The following PTPRM variants were observed in gnomAD, a reference collection of about 807,000 sequenced individuals.
PTPRM encodes the protein protein tyrosine phosphatase receptor type M.
PTPRM carries 47 observed loss-of-function variants against 186.7 expected under a neutral mutation model. That is an observed-to-expected ratio of 0.25 (90% confidence interval 0.20 to 0.32). The LOEUF is 0.32. Among genes scored for constraint, PTPRM ranks in the 10% least tolerant of loss-of-function variants. The pLI is 1.00. For missense variants in PTPRM, 1,494 were observed against 1,865.0 expected (o/e 0.80, Z 3.66); for synonymous variants, 668 against 674.9 (o/e 0.99, Z 0.16).
At chr18:8,175,242 A>G (rs1038060912) in intron 14 of PTPRM, among the ~76,000 whole-genome samples, 2 of 152,214 alleles carry the variant, frequency 1.3e-5, no homozygotes, top group African/African-American at 4.8e-5. Flanking sequence ...TTCTTATGCC[A>G]TAGTCAAGAC....
chr18:8,080,921 T>C (rs1417091795), intron 9 of PTPRM, among the ~76,000 whole-genome samples: 1 of 152,198 alleles, frequency 6.6e-6, no homozygotes, highest in Non-Finnish European at 1.5e-5. Flanking sequence ...CTATAGCAGC[T>C]CTGCCTATCT....
chr18:7,911,420 C>A (rs982805876), intron 4 of PTPRM, among the ~76,000 whole-genome samples: 11 of 152,162 alleles, frequency 7.2e-5, no homozygotes, highest in Non-Finnish European at 1.5e-4. Flanking sequence ...TTAAAAAAAT[C>A]ATAGCCATCC....
At chr18:7,834,915 C>A (rs914405201) in intron 2 of PTPRM, among the ~76,000 whole-genome samples, 1 of 149,772 alleles carries the variant, frequency 6.7e-6, no homozygotes, top group African/African-American at 2.4e-5. Context: ...CTCATAATAG[C>A]CACTAATGGT....
intron 10 of PTPRM, among the ~76,000 whole-genome samples, chr18:8,088,236 CTAAT>C (rs1479892325): frequency 1.3e-5 from 2 of 152,086 alleles, no homozygotes; most frequent in Non-Finnish European, 2.9e-5. Context: ...CAGATTGTCA[CTAAT>C]TAATTCCAAC....
chr18:8,296,499 T>C (rs780513815), intron 20 of PTPRM, 44 bp downstream of exon 20: 11 of 1,416,526 alleles, frequency 7.8e-6, no homozygotes, highest in African/African-American at 1.4e-5. Context: ...AACTTCCTTT[T>C]TGCATCTAGT....
intron 7 of PTPRM, among the ~76,000 whole-genome samples, chr18:7,987,342 G>T (rs1007978192): frequency 6.6e-6 from 1 of 152,340 alleles, no homozygotes; most frequent in East Asian, 1.9e-4. Context: ...AGCTGGCTAA[G>T]CCACCAGTAA....
intron 1 of PTPRM, among the ~76,000 whole-genome samples, chr18:7,703,997 C>A (rs2040021529): frequency 6.6e-6 from 1 of 152,150 alleles, no homozygotes; most frequent in South Asian, 2.1e-4. Context: ...GTATGTTGAA[C>A]CAGCCTTGCA....
At chr18:8,404,486 T>C (rs572881363) in intron 32 of PTPRM, 8 of 152,336 alleles carry the variant, frequency 5.3e-5, no homozygotes, top group African/African-American at 1.2e-4. Context: ...CTAGAGACTG[T>C]TACTTTATAC....
intron 23 of PTPRM, among the ~76,000 whole-genome samples, chr18:8,370,338 A>G (rs1360314311): frequency 6.6e-6 from 1 of 152,230 alleles, no homozygotes; most frequent in Admixed American, 6.5e-5. Flanking sequence ...GACAATATGG[A>G]AAGACAATTT....
intron 1 of PTPRM, among the ~76,000 whole-genome samples, chr18:7,713,498 A>G (rs1165611309): frequency 6.6e-6 from 1 of 152,184 alleles, no homozygotes; most frequent in African/African-American, 2.4e-5. Context: ...TCATAATGCC[A>G]GGATCAAATT....
At chr18:7,975,806 C>T (rs567730421) in intron 7 of PTPRM, among the ~76,000 whole-genome samples, 1 of 152,326 alleles carries the variant, frequency 6.6e-6, no homozygotes, top group African/African-American at 2.4e-5. Flanking sequence ...GCTATCCCAT[C>T]TAGATTTGTC....
intron 20 of PTPRM, among the ~76,000 whole-genome samples, chr18:8,310,040 G>A (rs990530307): frequency 6.6e-6 from 1 of 151,966 alleles, no homozygotes; most frequent in African/African-American, 2.4e-5. Context: ...CCCACCCCAA[G>A]CTGGCTTTTC....
intron 13 of PTPRM, among the ~76,000 whole-genome samples, chr18:8,138,216 T>TCCCTTTTTTTTTTCC (rs2092683020): frequency 6.7e-6 from 1 of 149,848 alleles, no homozygotes; most frequent in Non-Finnish European, 1.5e-5. Context: ...TTTTTTTTTT[T>TCCCTTTTTTTTTTCC]CCCTCCTCTT....
intron 1 of PTPRM, among the ~76,000 whole-genome samples, chr18:7,712,232 T>G (rs605077): frequency 1.3e-5 from 2 of 151,902 alleles, no homozygotes; most frequent in Non-Finnish European, 2.9e-5. Flanking sequence ...CTGGAGCGGA[T>G]CTCCAGCAAA....
At chr18:7,841,045 G>C (rs1329433652) in intron 2 of PTPRM, among the ~76,000 whole-genome samples, 1 of 152,096 alleles carries the variant, frequency 6.6e-6, no homozygotes, top group Non-Finnish European at 1.5e-5. Context: ...TAGTCACATA[G>C]CATCATTTTA....
chr18:8,087,044 G>A (rs1038082512), intron 10 of PTPRM, among the ~76,000 whole-genome samples: 2 of 151,860 alleles, frequency 1.3e-5, no homozygotes, highest in African/African-American at 4.8e-5. Flanking sequence ...CACTGGACTT[G>A]GAATCAAAAA....
intron 13 of PTPRM, among the ~76,000 whole-genome samples, chr18:8,127,027 T>C (rs565693856): frequency 6.8e-4 from 104 of 152,112 alleles, no homozygotes; most frequent in African/African-American, 2.5e-3. Context: ...TGGAGTGTTT[T>C]AGGAGAGACA....
At chr18:7,866,270 T>C (rs1468047582) in intron 2 of PTPRM, among the ~76,000 whole-genome samples, 2 of 152,200 alleles carry the variant, frequency 1.3e-5, no homozygotes, top group Non-Finnish European at 2.9e-5. Flanking sequence ...TTCTTTTAAT[T>C]GTGACGTTAG....
At chr18:7,889,300 G>C (rs9964073) in intron 3 of PTPRM, among the ~76,000 whole-genome samples, 56,347 of 147,846 alleles carry the variant, frequency 0.38, 12,316 homozygotes, top group African/African-American at 0.59. Context: ...GAAATGCTAT[G>C]TACGGGGTTT....
Sources: gnomAD v4.1 joint callset for allele counts (sites outside exome capture counted in the v4.1 genomes callset) on GRCh38, gnomAD v4.1.1 for gene constraint, MANE v1.5 for transcripts, NCBI Gene and HGNC (gene_info 2026-07-23, HGNC 2026-07-21) for gene names.